SCML4: variants seen among roughly 807,000 people sequenced by gnomAD.
SCML4 encodes Scm polycomb group protein like 4.
Under a neutral mutation model 41.1 loss-of-function variants are expected in SCML4, and 34 were observed. The ratio of observed to expected loss-of-function variants is 0.83; its 90% CI spans 0.63 to 1.10. The LOEUF (loss-of-function observed/expected upper bound fraction) is 1.10, where lower values mean the gene tolerates loss of function less well. Among genes scored for constraint, SCML4 ranks in the 50% least tolerant of loss-of-function variants. The pLI is 0.00. For missense variants in SCML4, 522 were observed against 534.1 expected, an observed-to-expected ratio of 0.98 and a Z score of 0.22; for synonymous variants, 214 against 220.9, an observed-to-expected ratio of 0.97 and a Z score of 0.28.
intron 5 of SCML4, among the ~76,000 whole-genome samples, chr6:107,739,427 G>A (rs1777381843): frequency 6.6e-6 from 1 of 151,892 alleles, no homozygotes; most frequent in Admixed American, 6.6e-5. Flanking sequence ...AGCTGTCATG[G>A]CTTTGCATCT....
At chr6:107,750,519 T>G (rs990362136) in intron 2 of SCML4, among the ~76,000 whole-genome samples, 3 of 152,180 alleles carry the variant, frequency 2.0e-5, no homozygotes, top group Non-Finnish European at 2.9e-5. Context: ...GAGACAAGCT[T>G]TTAATCTTAG....
At chr6:107,836,083 T>A in the SCML4 span, among the ~76,000 whole-genome samples, 1 of 152,056 alleles carries the variant, frequency 6.6e-6, no homozygotes, top group Non-Finnish European at 1.5e-5. Flanking sequence ...AAGTACATTT[T>A]GATGGCAGCA....
intron 6 of SCML4, among the ~76,000 whole-genome samples, chr6:107,713,548 G>A (rs184835010): frequency 2.0e-5 from 3 of 152,274 alleles, no homozygotes; most frequent in South Asian, 2.1e-4. Context: ...CATTCTCTAC[G>A]GACCTCATTG....
intron 5 of SCML4, among the ~76,000 whole-genome samples, chr6:107,733,343 T>C (rs1776742190): frequency 6.6e-6 from 1 of 152,238 alleles, no homozygotes; most frequent in South Asian, 2.1e-4. Flanking sequence ...GTAGCTAGGA[T>C]AGATCTGGTA....
chr6:107,760,893 AAC>A (rs1491233871), intron 2 of SCML4, among the ~76,000 whole-genome samples: 19 of 67,574 alleles, frequency 2.8e-4, no homozygotes, highest in Non-Finnish European at 4.6e-4. Flanking sequence ...TGATTTAAAA[AAC>A]ACAGTAAATT....
chr6:107,835,250 A>C, the SCML4 span, among the ~76,000 whole-genome samples: 1 of 152,138 alleles, frequency 6.6e-6, no homozygotes, highest in Non-Finnish European at 1.5e-5. Flanking sequence ...AGTCCCAGCT[A>C]TTCAGCAGGC....
intron 6 of SCML4, among the ~76,000 whole-genome samples, chr6:107,717,530 TTCTC>T (rs1243215628): frequency 1.3e-5 from 2 of 151,986 alleles, no homozygotes; most frequent in African/African-American, 4.8e-5. Flanking sequence ...TCAGGCAAAG[TTCTC>T]TCTAATATTT....
rs59013088 is a variant in SCML4, at chr6:107,726,532, C to CAAAA, written c.683-5543_683-5540dup. ...CGGGCAACAGACCGAGACTCCATCT[C>CAAAA]AAAAAAAAAAAAAAAAAAAAAAAGA... On this transcript the variant is annotated intron_variant, in intron 5 of 7. Coordinates refer to ENST00000369020, the MANE Select transcript of SCML4 (RefSeq NM_198081.5). Among the ~76,000 whole-genome samples, 57 of 72,352 alleles carry CAAAA rather than the reference C, an allele frequency of 7.9e-4. 1 individual carries two copies. The highest frequency in any genetic ancestry group is 8.3e-3 in the Middle Eastern group (1 of 120). The allele number at this position is 72,352 out of a possible 152,430, so 47.5% of individuals were successfully genotyped here. A position where few individuals can be genotyped will look rare whatever the true frequency, so the allele number is the denominator to read the frequency against.
chr6:107,742,183 A>G (rs779133111), intron 5 of SCML4, among the ~76,000 whole-genome samples: 7 of 152,240 alleles, frequency 4.6e-5, no homozygotes, highest in Non-Finnish European at 1.0e-4. Context: ...GAAGTAGATC[A>G]AGCAAAGGAA....
In SCML4 at chr6:107,704,881, G is replaced by A. The variant is rs1773455308; in HGVS notation, c.*319C>T. Reference sequence around the variant, plus strand: ...CTTTGAACCCTCCAGAACTCTCCTTGGGCATAAGCATTCAGTTCCCCACTC... The same window carrying A: ...CTTTGAACCCTCCAGAACTCTCCTTAGGCATAAGCATTCAGTTCCCCACTC... On this transcript the variant is annotated 3_prime_UTR_variant, in exon 8 of 8. Transcript: ENST00000369020. The A allele has an allele frequency of 1.0e-5, 4 of 391,278 alleles. No individual in the cohort carries two copies. Among genetic ancestry groups the A allele is most frequent in the Non-Finnish European group, 1.9e-5 (4 of 211,612 alleles). The allele number at this position is 391,278 out of a possible 1,614,324, so 24.2% of individuals were successfully genotyped here.
At chr6:107,758,795 T>A (rs9398141) in intron 2 of SCML4, among the ~76,000 whole-genome samples, 116,915 of 151,916 alleles carry the variant, frequency 0.77, 45,242 homozygotes, top group Admixed American at 0.83. Flanking sequence ...GCTGACACCC[T>A]GATTTCAGTC....
intron 5 of SCML4, among the ~76,000 whole-genome samples, chr6:107,743,551 T>G (rs1001650284): frequency 2.0e-5 from 3 of 152,200 alleles, no homozygotes; most frequent in African/African-American, 4.8e-5. Context: ...TGAGGCCAGA[T>G]TCATAGACTG....
upstream of SCML4, among the ~76,000 whole-genome samples, chr6:107,827,041 C>G (rs987168934): frequency 9.9e-5 from 15 of 151,064 alleles, no homozygotes; most frequent in African/African-American, 3.6e-4. Flanking sequence ...ACAGCCTGGG[C>G]GACAGAGCGA....
In SCML4 at chr6:107,702,267, G is replaced by C. The variant is rs533191710; in HGVS notation, c.*2933C>G. ...CTGCTTAAAGTTTAATGCAAAATGA[G>C]ATAGCACCTCCGCGAGAGAAGTTCC... On this transcript the variant is annotated 3_prime_UTR_variant, in exon 8 of 8. Coordinates refer to ENST00000369020, the MANE Select transcript of SCML4 (RefSeq NM_198081.5). Among the ~76,000 whole-genome samples the C allele has an allele frequency of 5.2e-4, 79 of 152,328 alleles. No homozygotes were observed. Among genetic ancestry groups the C allele is most frequent in the South Asian group, 1.0e-3 (5 of 4,830 alleles).
At chr6:107,714,059 G>A (rs1308400333) in intron 6 of SCML4, among the ~76,000 whole-genome samples, 2 of 152,150 alleles carry the variant, frequency 1.3e-5, no homozygotes. Context: ...TTATAGGCAA[G>A]CATCACTCAC....
In SCML4 at chr6:107,746,895, G is replaced by A; in HGVS notation, c.287-6C>T. The stretch of plus-strand genomic sequence containing the variant: ...CTTGTTGATGTAGAGGCAGACTGCG[G>A]AGACAGAGGTCACAAAGCCCTCGGC... On this transcript the variant is annotated splice_region_variant and splice_polypyrimidine_tract_variant and intron_variant, in intron 3 of 7. Transcript: ENST00000369020. 6.2e-7 allele frequency: 1 copy of A among 1,608,568 alleles called. No individual in the cohort carries two copies. The highest frequency in any genetic ancestry group is 8.5e-7 in the Non-Finnish European group (1 of 1,176,556).
intron 5 of SCML4, among the ~76,000 whole-genome samples, chr6:107,739,911 C>G (rs1478075103): frequency 6.6e-6 from 1 of 152,164 alleles, no homozygotes; most frequent in African/African-American, 2.4e-5. Context: ...ACCATGCCAT[C>G]GCTGCTTCCT....
At chr6:107,814,549 T>TTTTG (rs767787182) in intron 1 of SCML4, among the ~76,000 whole-genome samples, 3 of 152,274 alleles carry the variant, frequency 2.0e-5, no homozygotes, top group South Asian at 4.1e-4. Context: ...AAACATGTTT[T>TTTTG]TTTGTTTGTT....
intron 6 of SCML4, chr6:107,720,441 G>A (rs1481435920): frequency 1.7e-6 from 2 of 1,150,374 alleles, no homozygotes; most frequent in Non-Finnish European, 2.1e-6. Context: ...AAATTTCTAT[G>A]GTATTTGAGC....
Sources: gnomAD v4.1 joint callset for allele counts (sites outside exome capture counted in the v4.1 genomes callset) on GRCh38, gnomAD v4.1.1 for gene constraint, MANE v1.5 for transcripts, NCBI Gene and HGNC (gene_info 2026-07-23, HGNC 2026-07-21) for gene names.